The following ART5 variants were observed in gnomAD, a reference collection of about 807,000 sequenced individuals.
ART5 encodes the protein ecto-ADP-ribosyltransferase 5.
In ART5, 22 loss-of-function variants were observed where a neutral mutation model predicts 25.0. The ratio of observed to expected loss-of-function variants is 0.88; its 90% CI spans 0.63 to 1.26. The LOEUF is 1.26. Ranked by LOEUF, ART5 falls within the 50% of genes most tolerant of loss-of-function variation. ART5 has a pLI of 0.00. For missense variants in ART5, 402 were observed against 372.8 expected (o/e 1.08, Z -0.64); for synonymous variants, 161 against 154.8 (o/e 1.04, Z -0.30).
chr11:3,642,041 C>T, upstream of ART5: 12 of 1,431,630 alleles, frequency 8.4e-6, no homozygotes, highest in Non-Finnish European at 1.0e-5. Flanking sequence ...TTGCCCGCCC[C>T]CCGCCCCAAG....
chr11:3,639,071 C>T, intron 2 of ART5, 36 bp from the exon 3 acceptor site: 1 of 1,549,162 alleles, frequency 6.5e-7, no homozygotes, highest in South Asian at 1.2e-5. Flanking sequence ...TCCGCGTGGA[C>T]AGACTCGCAC....
chr11:3,642,142 C>A, upstream of ART5: 2 of 1,284,662 alleles, frequency 1.6e-6, no homozygotes, highest in South Asian at 2.3e-5. Flanking sequence ...AGTTTGGCTC[C>A]GCCTGAGAGG....
chr11:3,638,817 C>A, intron 3 of ART5, 24 bp from the exon 4 acceptor site: 2 of 1,614,120 alleles, frequency 1.2e-6, no homozygotes, highest in Non-Finnish European at 1.7e-6. Flanking sequence ...GTTGGACTTT[C>A]AGGGCCCAAC....
intron 1 of ART5, 90 bp downstream of exon 1, chr11:3,641,716 A>C: frequency 6.5e-7 from 1 of 1,534,686 alleles, no homozygotes; most frequent in Non-Finnish European, 8.8e-7. Context: ...TCCCTGGGAG[A>C]GGGATGTGAG....
At position 3,639,566 on chromosome 11, in the gene ART5, C is replaced by T. The variant is rs536417141; in HGVS notation, c.787+76G>A. ...AACCAAGTGGGTCTCCCGAAGGCCC[C>T]GGGGATTATTGTGTAAGGACATCCT... is the stretch of plus-strand genomic sequence containing the variant. On this transcript the variant is annotated intron_variant, in intron 2 of 3. Transcript: ENST00000397068. 3.5e-5 allele frequency: 53 copies of T among 1,516,522 alleles called. 2 individuals carry two copies. The South Asian group carries it at 3.9e-4, about 11-fold the overall frequency. 93.9% of individuals were successfully genotyped at this position (1,516,522 alleles called of 1,614,324 possible).
In ART5 at chr11:3,638,577, C is replaced by T; in HGVS notation, c.*161G>A. 2 of 819,588 alleles carry T rather than the reference C, an allele frequency of 2.4e-6. No individual in the cohort carries two copies. Among genetic ancestry groups the T allele is most frequent in the East Asian group, 2.5e-5 (1 of 40,516 alleles). 50.8% of individuals were successfully genotyped at this position (819,588 alleles called of 1,614,324 possible). A position where few individuals can be genotyped will look rare whatever the true frequency, so the allele number is the denominator to read the frequency against. Reference sequence around the variant, plus strand: ...AAAACTCCATGTCTCCACATTGCAACACCGTTCAATCAAGTGGCTGCCTCA... The same window carrying T: ...AAAACTCCATGTCTCCACATTGCAATACCGTTCAATCAAGTGGCTGCCTCA... On this transcript the variant is annotated 3_prime_UTR_variant, in exon 4 of 4. Coordinates refer to ENST00000397068, the MANE Select transcript of ART5 (RefSeq NM_053017.5).
intron 2 of ART5, 137 bp from the exon 3 acceptor site, chr11:3,639,172 T>C: frequency 2.1e-6 from 2 of 970,168 alleles, no homozygotes; most frequent in Non-Finnish European, 3.1e-6. Context: ...CTGATTTCCC[T>C]TCCTCCTCCG....
rs1207166356 is a variant in ART5 at position 3,640,210 on chromosome 11, C to A, written c.219G>T (p.Glu73Asp). 3.1e-6 allele frequency: 5 copies of A among 1,613,818 alleles called. No homozygotes were observed. Among genetic ancestry groups the A allele is most frequent in the Non-Finnish European group, 4.2e-6 (5 of 1,180,058 alleles). ...LLRESWEAAQETWEDKRRGLT... is the reference protein window; with the variant it reads ...LLRESWEAAQDTWEDKRRGLT... Reference sequence around the variant, plus strand: ...GCCCTCGACGCTTGTCCTCCCAGGTCTCCTGGGCTGCCTCCCAGGATTCCC... The same window carrying A: ...GCCCTCGACGCTTGTCCTCCCAGGTATCCTGGGCTGCCTCCCAGGATTCCC... Residue 73 changes from glutamate (E) to aspartate (D), a missense_variant, in exon 2 of 4, where the codon GAG becomes GAT. Coordinates refer to ENST00000397068, the MANE Select transcript of ART5 (RefSeq NM_053017.5).
intron 1 of ART5, 68 bp from the exon 2 acceptor site, chr11:3,640,439 G>A: frequency 6.7e-7 from 1 of 1,488,590 alleles, no homozygotes; most frequent in Non-Finnish European, 8.9e-7. Context: ...GGGTCCTGGG[G>A]GCAAACCCAT....
intron 1 of ART5, among the ~76,000 whole-genome samples, chr11:3,641,481 C>A (rs1018558892): frequency 2.0e-5 from 3 of 152,148 alleles, no homozygotes; most frequent in Non-Finnish European, 4.4e-5. Context: ...GGAGGCCAAG[C>A]CTTGGTTGGG....
intron 3 of ART5, 78 bp downstream of exon 3, chr11:3,638,925 G>T: frequency 6.3e-7 from 1 of 1,586,870 alleles, no homozygotes; most frequent in African/African-American, 1.3e-5. Flanking sequence ...CACCCCTGCT[G>T]AAGGGAAAAG....
At chr11:3,642,284 G>A, upstream of ART5, 1 of 1,031,054 alleles carries the variant, frequency 9.7e-7, no homozygotes, top group Non-Finnish European at 1.2e-6. Context: ...AGGTTCTCGA[G>A]GCTAACTGTA....
At position 3,639,832 on chromosome 11, in the gene ART5, G is replaced by C; in HGVS notation, c.597C>G (p.Leu199=). The part of the protein sequence containing the change: ...AVAHRFGNAT[L]FSLTTCFGAP... ...CCCCAAAGCAAGTTGTTAGAGAGAA[G>C]AGGGTGGCATTACCAAATCTGTGGG... Residue 199 remains leucine (L), a synonymous_variant, in exon 2 of 4, where the codon CTC becomes CTG. Coordinates refer to ENST00000397068, the MANE Select transcript of ART5 (RefSeq NM_053017.5). 1 of 1,614,232 alleles carries C rather than the reference G, an allele frequency of 6.2e-7. No homozygotes were observed. Among genetic ancestry groups the C allele is most frequent in the Non-Finnish European group, 8.5e-7 (1 of 1,180,038 alleles).
chr11:3,642,283 A>G (rs1271962731), upstream of ART5: 1 of 1,031,282 alleles, frequency 9.7e-7, no homozygotes, highest in Non-Finnish European at 1.2e-6. Flanking sequence ...AAGGTTCTCG[A>G]GGCTAACTGT....
chr11:3,639,988 A>T lies in ART5; in HGVS notation c.441T>A (p.Ser147Arg). The T allele has an allele frequency of 1.2e-6, 2 of 1,614,122 alleles. No homozygotes were observed. ...LIRALQLLRG[S>R]GGCSRGPGEV... Reference sequence around the variant, plus strand: ...CCCCAGGTCCCCTGCTGCAGCCCCCACTGCCTCGCAGCAGCTGCAGGGCCC... The same window carrying T: ...CCCCAGGTCCCCTGCTGCAGCCCCCTCTGCCTCGCAGCAGCTGCAGGGCCC... Residue 147 changes from serine to arginine, a missense_variant, in exon 2 of 4, where the codon AGT becomes AGA. Transcript: ENST00000397068.
In ART5 at chr11:3,640,406, C is replaced by T. The variant is rs2077379138; in HGVS notation, c.58-35G>A. The T allele has an allele frequency of 1.9e-6, 3 of 1,550,142 alleles. No individual in the cohort carries two copies. The East Asian group carries it at 6.8e-5, about 35-fold the overall frequency. ...AAAAGAGGTGCCACACCGAAAAGAG[C>T]ATAAGTTCAGAGCACTGGACATGGG... On this transcript the variant is annotated intron_variant, in intron 1 of 3. Coordinates refer to ENST00000397068, the MANE Select transcript of ART5 (RefSeq NM_053017.5).
intron 1 of ART5, 126 bp downstream of exon 1, chr11:3,641,680 G>A: frequency 1.3e-6 from 2 of 1,482,004 alleles, no homozygotes; most frequent in Non-Finnish European, 1.8e-6. Flanking sequence ...GAGGAAGAGA[G>A]TTAAGAGTGG....
rs2133928017 is a variant in ART5, at chr11:3,640,186, C to T, written c.243G>A (p.Gly81=). 2 of 1,614,028 alleles carry T rather than the reference C, an allele frequency of 1.2e-6. No individual in the cohort carries two copies. The highest frequency in any genetic ancestry group is 3.3e-4 in the Middle Eastern group (2 of 6,062). The change falls in exon 2 of 4, where the codon GGG becomes GGA. Residue 81 remains glycine, a synonymous_variant. Coordinates refer to ENST00000397068, the MANE Select transcript of ART5 (RefSeq NM_053017.5). ...AQETWEDKRR[G]LTLPPGFKAQ... ...CTTTGAAGCCAGGGGGCAAGGTAAGCCCTCGACGCTTGTCCTCCCAGGTCT... is the reference window on the plus strand; with the variant it reads ...CTTTGAAGCCAGGGGGCAAGGTAAGTCCTCGACGCTTGTCCTCCCAGGTCT...
chr11:3,642,234 G>C (rs970338957), upstream of ART5: 5 of 1,141,216 alleles, frequency 4.4e-6, no homozygotes, highest in Middle Eastern at 7.7e-4. Context: ...GGCGGGCGCT[G>C]CGCTGTCCCC....
Sources: gnomAD v4.1 joint callset for allele counts (sites outside exome capture counted in the v4.1 genomes callset) on GRCh38, gnomAD v4.1.1 for gene constraint, MANE v1.5 for transcripts, NCBI Gene and HGNC (gene_info 2026-07-23, HGNC 2026-07-21) for gene names.